STK3: variants seen among roughly 807,000 people sequenced by gnomAD.
STK3 encodes the protein serine/threonine kinase 3.
STK3 carries 41 observed loss-of-function variants against 58.0 expected under a neutral mutation model. That is an observed-to-expected ratio of 0.71 (90% CI 0.55 to 0.92). The LOEUF (loss-of-function observed/expected upper bound fraction) is 0.92. Among genes scored for constraint, STK3 ranks in the 40% least tolerant of loss-of-function variants. The pLI, the probability that STK3 is intolerant of heterozygous loss-of-function variation, is 0.00. For missense variants in STK3, 479 were observed against 602.7 expected (o/e 0.79, Z 2.15); for synonymous variants, 170 against 191.0 (o/e 0.89, Z 0.91).
intron 3 of STK3, among the ~76,000 whole-genome samples, chr8:98,845,612 T>C (rs773280424): frequency 1.3e-5 from 2 of 152,242 alleles, no homozygotes; most frequent in Non-Finnish European, 2.9e-5. Flanking sequence ...TTTTCTCATA[T>C]GTTTTCTTAT....
intron 8 of STK3, among the ~76,000 whole-genome samples, chr8:98,577,925 AG>A (rs1813547736): frequency 6.6e-6 from 1 of 152,160 alleles, no homozygotes; most frequent in African/African-American, 2.4e-5. Flanking sequence ...AAAGGCCCTG[AG>A]TAAGGAAAGA....
At chr8:98,707,473 G>A (rs1176544491) in intron 4 of STK3, among the ~76,000 whole-genome samples, 162 bp from the exon 5 acceptor site, 1 of 151,976 alleles carries the variant, frequency 6.6e-6, no homozygotes, top group African/African-American at 2.4e-5. Context: ...TGTGATGATA[G>A]CTCACTGCAG....
At chr8:98,380,151 G>T (rs542444110) in intron 1 of STK3, among the ~76,000 whole-genome samples, 1 of 152,260 alleles carries the variant, frequency 6.6e-6, no homozygotes, top group Non-Finnish European at 1.5e-5. Context: ...GGGTTAGGGG[G>T]TGGTGCAGAT....
At chr8:98,818,835 G>GT (rs1176636250) in intron 1 of STK3, among the ~76,000 whole-genome samples, 4 of 151,798 alleles carry the variant, frequency 2.6e-5, no homozygotes, top group Admixed American at 2.0e-4. Context: ...TTTTTTTGTT[G>GT]TTTTTTTGAG....
rs1817026740 is a variant in STK3 at position 98,609,604 on chromosome 8, G to A, written c.685-13435C>T. The stretch of plus-strand genomic sequence containing the variant: ...TACAAAAACATCAATAAAATAGATT[G>A]AAAAATAAAGCTGATGAACTAATTG... On this transcript the variant is annotated intron_variant, in intron 6 of 10. Coordinates refer to ENST00000419617, the MANE Select transcript of STK3 (RefSeq NM_006281.4). Among the ~76,000 whole-genome samples the A allele has an allele frequency of 2.6e-5, 4 of 152,130 alleles. No homozygotes were observed. In the South Asian group the frequency reaches 6.2e-4, roughly 24 times the overall value.
At chr8:98,834,424 G>GA (rs1448049179) in intron 3 of STK3, among the ~76,000 whole-genome samples, 3 of 152,052 alleles carry the variant, frequency 2.0e-5, no homozygotes, top group Non-Finnish European at 2.9e-5. Context: ...CGATTATGTA[G>GA]AAAAAATGGG....
chr8:98,715,117 A>T (rs1342447413), intron 4 of STK3, among the ~76,000 whole-genome samples: 1 of 152,246 alleles, frequency 6.6e-6, no homozygotes, highest in Non-Finnish European at 1.5e-5. Context: ...CTTACACCTT[A>T]TACAAAAATT....
At chr8:98,424,701 G>C (rs900385954) in intron 3 of STK3, among the ~76,000 whole-genome samples, 1 of 152,232 alleles carries the variant, frequency 6.6e-6, no homozygotes, top group African/African-American at 2.4e-5. Context: ...ATGAAGCAGG[G>C]GAGGGAGGAA....
At chr8:98,399,987 G>T (rs1817927711), downstream of STK3, among the ~76,000 whole-genome samples, 1 of 152,118 alleles carries the variant, frequency 6.6e-6, no homozygotes, top group South Asian at 2.1e-4. Flanking sequence ...TTTCCCCTCT[G>T]ATCCCAAATG....
Position 98,548,168 on chromosome 8 carries a change from G to A in STK3, c.949-7C>T. On this transcript the variant is annotated splice_polypyrimidine_tract_variant and splice_region_variant and intron_variant, in intron 8 of 10. Transcript: ENST00000419617. ...AATCCAGCTCATCTTCATCCTGCAA[G>A]CAAAATACTGCAATGAGGGAAGACT... 2 of 1,501,288 alleles carry A rather than the reference G, an allele frequency of 1.3e-6. No homozygotes were observed. The highest frequency in any genetic ancestry group is 1.8e-6 in the Non-Finnish European group (2 of 1,124,116). 93.0% of individuals were successfully genotyped at this position (1,501,288 alleles called of 1,614,324 possible).
intron 1 of STK3, among the ~76,000 whole-genome samples, chr8:98,940,704 T>TGC (rs1240265809): frequency 6.6e-6 from 1 of 152,158 alleles, no homozygotes; most frequent in Non-Finnish European, 1.5e-5. Flanking sequence ...CCTTGGAATC[T>TGC]GCGCCGCCCC....
intron 4 of STK3, among the ~76,000 whole-genome samples, chr8:98,741,070 T>C (rs1374897529): frequency 1.3e-3 from 199 of 152,118 alleles, no homozygotes; most frequent in African/African-American, 4.5e-3. Context: ...ATGCACCCAA[T>C]ACAGGAGCAC....
At chr8:98,434,593 G>C (rs1818418274) in intron 2 of STK3, among the ~76,000 whole-genome samples, 1 of 152,144 alleles carries the variant, frequency 6.6e-6, no homozygotes, top group Non-Finnish European at 1.5e-5. Flanking sequence ...CATCCTCCTG[G>C]GTAAATTCTC....
At chr8:98,374,934 A>T (rs1490723119) in intron 2 of STK3, among the ~76,000 whole-genome samples, 2 of 152,044 alleles carry the variant, frequency 1.3e-5, no homozygotes, top group Non-Finnish European at 2.9e-5. Flanking sequence ...CATACCTTAA[A>T]TTTTTTTATT....
At chr8:98,576,850 C>A (rs1813435777) in intron 8 of STK3, among the ~76,000 whole-genome samples, 1 of 152,118 alleles carries the variant, frequency 6.6e-6, no homozygotes, top group Non-Finnish European at 1.5e-5. Context: ...GTATCTGCAC[C>A]AGTCCCTCAG....
At chr8:98,722,857 T>A in intron 4 of STK3, 1 of 496,900 alleles carries the variant, frequency 2.0e-6, no homozygotes, top group Non-Finnish European at 4.0e-6. Flanking sequence ...TGAGAGAGGA[T>A]CTGCTTCATA....
chr8:98,534,475 T>C (rs1224571635), intron 9 of STK3, among the ~76,000 whole-genome samples: 1 of 152,126 alleles, frequency 6.6e-6, no homozygotes, highest in African/African-American at 2.4e-5. Context: ...ACAAGTATGT[T>C]AAAAATGAAC....
At chr8:98,669,482 C>A (rs976685867) in intron 6 of STK3, among the ~76,000 whole-genome samples, 6 of 152,102 alleles carry the variant, frequency 3.9e-5, no homozygotes, top group Admixed American at 2.0e-4. Flanking sequence ...CCTTTGTATA[C>A]ATTTGACTAA....
At chr8:98,809,259 C>A (rs1424725188) in intron 1 of STK3, among the ~76,000 whole-genome samples, 1 of 152,148 alleles carries the variant, frequency 6.6e-6, no homozygotes, top group Non-Finnish European at 1.5e-5. Flanking sequence ...GTCAGAAGTA[C>A]CAGAGGCCTG....
Sources: gnomAD v4.1 joint callset for allele counts (sites outside exome capture counted in the v4.1 genomes callset) on GRCh38, gnomAD v4.1.1 for gene constraint, MANE v1.5 for transcripts, NCBI Gene and HGNC (gene_info 2026-07-23, HGNC 2026-07-21) for gene names.